The following SLC35F1 variants were observed in gnomAD, a reference collection of about 807,000 sequenced individuals.
SLC35F1 encodes chromosome 6 open reading frame 169.
In SLC35F1, 14 loss-of-function variants were observed where a neutral mutation model predicts 48.7. That is an observed-to-expected ratio of 0.29 (90% CI 0.19 to 0.45). SLC35F1 has a LOEUF of 0.45. SLC35F1 is among the 20% of genes least tolerant of loss of function. The pLI, the probability that SLC35F1 is intolerant of heterozygous loss-of-function variation, is 1.00. For missense variants in SLC35F1, 404 were observed against 500.0 expected, an observed-to-expected ratio of 0.81 and a Z score of 1.83; for synonymous variants, 190 against 202.2, an observed-to-expected ratio of 0.94 and a Z score of 0.51.
intron 1 of SLC35F1, among the ~76,000 whole-genome samples, chr6:117,931,570 C>G (rs1434114891): frequency 1.3e-5 from 2 of 152,186 alleles, no homozygotes; most frequent in Non-Finnish European, 2.9e-5. Flanking sequence ...TCTTTACATT[C>G]CAACTACATT....
At chr6:118,086,748 A>G (rs4537173) in intron 1 of SLC35F1, among the ~76,000 whole-genome samples, 55,095 of 151,916 alleles carry the variant, frequency 0.36, 10,454 homozygotes, top group East Asian at 0.45. Flanking sequence ...TGACTCGTTA[A>G]TTTCTGTCAG....
At chr6:118,242,508 A>G (rs1775454028) in intron 3 of SLC35F1, among the ~76,000 whole-genome samples, 1 of 152,230 alleles carries the variant, frequency 6.6e-6, no homozygotes, top group Non-Finnish European at 1.5e-5. Flanking sequence ...TAGCATTATC[A>G]TGTTGGATTT....
At chr6:118,039,802 TTTTTTG>T (rs1772186399) in intron 1 of SLC35F1, among the ~76,000 whole-genome samples, 2 of 145,838 alleles carry the variant, frequency 1.4e-5, no homozygotes, top group Non-Finnish European at 3.0e-5. Context: ...CAGGATTGTT[TTTTTTG>T]TTTTTTTTTT....
chr6:118,191,562 C>A lies in SLC35F1; in HGVS notation c.349+36942C>A, dbSNP rs548361188. On this transcript the variant is annotated intron_variant, in intron 2 of 7. Coordinates refer to ENST00000360388, the MANE Select transcript of SLC35F1 (RefSeq NM_001029858.4). The stretch of plus-strand genomic sequence containing the variant: ...CCCTTCTCAGTTGTGAGATTATGAA[C>A]CGAAAGTTCAAGGTTCCAAAGTTTG... Among the ~76,000 whole-genome samples, 8 of 152,200 alleles carry A rather than the reference C, an allele frequency of 5.3e-5. No individual in the cohort carries two copies. The South Asian group carries it at 1.7e-3, about 32-fold the overall frequency.
At chr6:117,930,762 A>C (rs920171355) in intron 1 of SLC35F1, among the ~76,000 whole-genome samples, 3 of 152,098 alleles carry the variant, frequency 2.0e-5, no homozygotes, top group African/African-American at 7.2e-5. Context: ...TCTCTTAGTA[A>C]CTCACTGCAG....
chr6:118,277,822 GA>G lies in SLC35F1; in HGVS notation c.847+286del, dbSNP rs11417772. ...TGTGTTATTAGGTTAAACACCAACA[GA>G]AAAAAAAAACTGGCCTGAGGCAGTG... On this transcript the variant is annotated intron_variant, in intron 6 of 7. Coordinates refer to ENST00000360388, the MANE Select transcript of SLC35F1 (RefSeq NM_001029858.4). Among the ~76,000 whole-genome samples the G allele has an allele frequency of 1.8e-4, 27 of 147,636 alleles. 1 individual carries two copies. The highest frequency in any genetic ancestry group is 1.8e-3 in the East Asian group (9 of 5,046).
chr6:118,027,487 A>G (rs529802189), intron 1 of SLC35F1, among the ~76,000 whole-genome samples: 2 of 152,242 alleles, frequency 1.3e-5, no homozygotes, highest in East Asian at 3.9e-4. Flanking sequence ...CCCTTCTAAT[A>G]GGCTTGTAAT....
chr6:118,081,474 T>A lies in SLC35F1; in HGVS notation c.174-72971T>A, dbSNP rs12210245. ...GGTGAGACTCCATTGCTACAAAAAA[T>A]TTTAAAAAAAAATAGCTAGGCATGG... On this transcript the variant is annotated intron_variant, in intron 1 of 7. Transcript: ENST00000360388. Among the ~76,000 whole-genome samples the A allele has an allele frequency of 2.7e-5, 4 of 148,376 alleles. No individual in the cohort carries two copies. The East Asian group carries it at 5.9e-4, about 22-fold the overall frequency.
chr6:118,039,345 G>T (rs1772178151), intron 1 of SLC35F1, among the ~76,000 whole-genome samples: 1 of 151,888 alleles, frequency 6.6e-6, no homozygotes, highest in Non-Finnish European at 1.5e-5. Context: ...CTTTTAATTA[G>T]TCTGTTTGGT....
At chr6:118,269,755 C>A (rs946409666) in intron 4 of SLC35F1, among the ~76,000 whole-genome samples, 1 of 152,054 alleles carries the variant, frequency 6.6e-6, no homozygotes, top group African/African-American at 2.4e-5. Context: ...TATAAGATGT[C>A]ATCACCAGGC....
chr6:118,279,715 C>G (rs2114635194), intron 6 of SLC35F1, among the ~76,000 whole-genome samples: 1 of 152,268 alleles, frequency 6.6e-6, no homozygotes, highest in African/African-American at 2.4e-5. Context: ...CAAACCCACC[C>G]CACACTCCTT....
Position 118,120,773 on chromosome 6 carries a change from A to C in SLC35F1, c.174-33672A>C, listed in dbSNP as rs114701777. ...TAACCGCTTGAAATATTCCGCACTG[A>C]AACAACACAAGCAGAATTAATCCAT... On this transcript the variant is annotated intron_variant, in intron 1 of 7. Transcript: ENST00000360388. 5.7e-3 allele frequency among the ~76,000 whole-genome samples: 865 copies of C among 152,260 alleles called. 5 individuals are homozygous for C. The highest frequency in any genetic ancestry group is 0.02 in the African/African-American group (833 of 41,548).
intron 1 of SLC35F1, among the ~76,000 whole-genome samples, chr6:118,125,691 G>A (rs1166470299): frequency 1.3e-5 from 2 of 152,136 alleles, no homozygotes; most frequent in Non-Finnish European, 2.9e-5. Context: ...CCCCAAGCTG[G>A]TTCTATCTTA....
At chr6:118,111,190 T>G (rs1291254904) in intron 1 of SLC35F1, among the ~76,000 whole-genome samples, 1 of 152,108 alleles carries the variant, frequency 6.6e-6, no homozygotes, top group Admixed American at 6.6e-5. Flanking sequence ...TAATGATGGC[T>G]GAGTATTTTT....
intron 1 of SLC35F1, among the ~76,000 whole-genome samples, chr6:118,058,980 C>A (rs574353775): frequency 1.9e-4 from 29 of 152,216 alleles, no homozygotes; most frequent in Non-Finnish European, 3.1e-4. Context: ...CAAAGCTAAC[C>A]TCAGCGAGAT....
At chr6:117,978,999 C>A in intron 1 of SLC35F1, among the ~76,000 whole-genome samples, 1 of 152,198 alleles carries the variant, frequency 6.6e-6, no homozygotes, top group East Asian at 1.9e-4. Context: ...CCTGAACTCT[C>A]AATCTGGTCC....
At chr6:118,154,045 G>A (rs1456235447) in intron 1 of SLC35F1, among the ~76,000 whole-genome samples, 2 of 152,118 alleles carry the variant, frequency 1.3e-5, no homozygotes, top group Non-Finnish European at 2.9e-5. Flanking sequence ...TCAGTGTTCA[G>A]GTACTTTCTC....
intron 2 of SLC35F1, among the ~76,000 whole-genome samples, chr6:118,216,557 A>C (rs749039768): frequency 4.6e-5 from 7 of 152,116 alleles, no homozygotes; most frequent in Non-Finnish European, 8.8e-5. Context: ...GAGCAAAGCC[A>C]GTCAGGAAAT....
At chr6:118,276,864 G>C (rs1282334910) in intron 5 of SLC35F1, among the ~76,000 whole-genome samples, 1 of 152,068 alleles carries the variant, frequency 6.6e-6, no homozygotes, top group Non-Finnish European at 1.5e-5. Flanking sequence ...ATATATTGAG[G>C]GCTCACTGGA....
Sources: gnomAD v4.1 joint callset for allele counts (sites outside exome capture counted in the v4.1 genomes callset) on GRCh38, gnomAD v4.1.1 for gene constraint, MANE v1.5 for transcripts, NCBI Gene and HGNC (gene_info 2026-07-23, HGNC 2026-07-21) for gene names.